The following UPF2 variants were observed in gnomAD, a reference collection of about 807,000 sequenced individuals.
UPF2 encodes the protein regulator of nonsense transcripts 2.
In UPF2, 17 loss-of-function variants were observed where a neutral mutation model predicts 141.4. That is an observed-to-expected ratio of 0.12 (90% CI 0.08 to 0.18). The LOEUF (loss-of-function observed/expected upper bound fraction) is 0.18. UPF2 is among the 10% of genes least tolerant of loss of function. The pLI, the probability that UPF2 is intolerant of heterozygous loss-of-function variation, is 1.00. For missense variants in UPF2, 1,152 were observed against 1,515.9 expected (o/e 0.76, Z 3.99); for synonymous variants, 540 against 498.0 (o/e 1.08, Z -1.12).
intron 21 of UPF2, among the ~76,000 whole-genome samples, chr10:11,926,126 A>C (rs1441506479): frequency 6.6e-6 from 1 of 152,184 alleles, no homozygotes; most frequent in Non-Finnish European, 1.5e-5. Context: ...AAAAGGCAAG[A>C]GTGAGGGCCA....
chr10:11,931,682 G>A lies in UPF2; in HGVS notation c.3647C>T (p.Thr1216Ile), dbSNP rs1437377307. The A allele has an allele frequency of 6.2e-7, 1 of 1,612,908 alleles. No homozygotes were observed. Among genetic ancestry groups the A allele is most frequent in the South Asian group, 1.1e-5 (1 of 90,690 alleles). ...QEERMRMKKL[T>I]LDINERQEQE... ...TTCTTGCCGTTCATTGATATCTAGT[G>A]TGAGCTTTTTCATTCTCATCCTCTC... The change falls in exon 20 of 22, where the codon ACA becomes ATA. Residue 1216 changes from threonine (T) to isoleucine (I), a missense_variant. Around this residue, in one of 4 missense-constraint regions of UPF2, gnomAD observed 66 missense variants for 123.5 expected, o/e 0.53. Coordinates refer to ENST00000357604, the MANE Select transcript of UPF2 (RefSeq NM_015542.4). This position sits in a 1 kb window ranked among gnomAD's most constrained non-coding sequence, Gnocchi z 5.9.
intron 9 of UPF2, among the ~76,000 whole-genome samples, chr10:11,973,434 G>A (rs1244426227): frequency 1.3e-5 from 2 of 152,142 alleles, no homozygotes; most frequent in African/African-American, 4.8e-5. Context: ...ATTGCTTTTG[G>A]TGTTTTAGAC....
chr10:11,941,131 T>A (rs2131168872), intron 18 of UPF2, among the ~76,000 whole-genome samples: 1 of 152,310 alleles, frequency 6.6e-6, no homozygotes, highest in South Asian at 2.1e-4. Context: ...AGGAACCACC[T>A]CAGTTGTATT....
chr10:11,989,342 G>A (rs1833743175), intron 8 of UPF2, among the ~76,000 whole-genome samples: 1 of 152,178 alleles, frequency 6.6e-6, no homozygotes, highest in Admixed American at 6.5e-5. Flanking sequence ...AAATGTGCCA[G>A]GCATAGTGGC....
At chr10:12,007,030 G>C (rs779373577) in intron 4 of UPF2, among the ~76,000 whole-genome samples, 1 of 152,172 alleles carries the variant, frequency 6.6e-6, no homozygotes, top group Non-Finnish European at 1.5e-5. Flanking sequence ...ACTCCAGACA[G>C]AGGAACAAGT....
intron 3 of UPF2, among the ~76,000 whole-genome samples, chr10:12,017,344 T>C (rs957188004): frequency 6.6e-6 from 1 of 152,216 alleles, no homozygotes; most frequent in African/African-American, 2.4e-5. Flanking sequence ...TCCATTGAGA[T>C]ACATAATAAT....
Position 12,004,528 on chromosome 10 carries a change from A to G in UPF2, c.1504+2T>C. On this transcript the variant is annotated splice_donor_variant, in intron 5 of 21. Transcript: ENST00000357604. LOFTEE classifies it high-confidence loss of function. ...TGTAAATATTTTTTCTCTAGAATTT[A>G]CCTTTGGTATCATCTTTGTTGGACT... The G allele has an allele frequency of 6.2e-7, 1 of 1,602,938 alleles. No homozygotes were observed. The highest frequency in any genetic ancestry group is 8.5e-7 in the Non-Finnish European group (1 of 1,176,032).
intron 8 of UPF2, among the ~76,000 whole-genome samples, chr10:11,990,084 G>A (rs1833754286): frequency 6.6e-6 from 1 of 152,194 alleles, no homozygotes; most frequent in South Asian, 2.1e-4. Context: ...AAAAAGTCTG[G>A]CTGAAGCCAC....
rs993943187 is a variant in UPF2 at position 11,939,107 on chromosome 10, T to TG, written c.3379-2396dup. On this transcript the variant is annotated intron_variant, in intron 18 of 21. Transcript: ENST00000357604. This position sits in a 1 kb window ranked among gnomAD's most constrained non-coding sequence, Gnocchi z 4.8. Reference sequence around the variant, plus strand: ...GGAGGGTCTCGATCTCCTGACCTCGTGATCCTCCCACCTCGGCCTCCCAAA... The same window carrying TG: ...GGAGGGTCTCGATCTCCTGACCTCGTGGATCCTCCCACCTCGGCCTCCCAAA... 1.2e-4 allele frequency among the ~76,000 whole-genome samples: 19 copies of TG among 152,144 alleles called. No individual in the cohort carries two copies. The highest frequency in any genetic ancestry group is 4.6e-4 in the African/African-American group (19 of 41,500).
chr10:12,037,140 A>G (rs1490969193), intron 1 of UPF2, among the ~76,000 whole-genome samples: 3 of 152,220 alleles, frequency 2.0e-5, no homozygotes, highest in African/African-American at 4.8e-5. Context: ...GCTGGAGTGC[A>G]GTGGCACAAT....
chr10:12,029,540 C>T lies in UPF2; in HGVS notation c.366-16G>A, dbSNP rs764053325. 1 of 1,558,498 alleles carries T rather than the reference C, an allele frequency of 6.4e-7. No homozygotes were observed. Among genetic ancestry groups the T allele is most frequent in the South Asian group, 1.2e-5 (1 of 82,120 alleles). On this transcript the variant is annotated splice_polypyrimidine_tract_variant and intron_variant, in intron 2 of 21. Coordinates refer to ENST00000357604, the MANE Select transcript of UPF2 (RefSeq NM_015542.4). ...TTCTTTTTCTCTATATAAAAACAAA[C>T]AAATAAATAAAATACTCTCTACATT...
At chr10:11,981,256 G>A (rs1216864621) in intron 8 of UPF2, among the ~76,000 whole-genome samples, 1 of 152,056 alleles carries the variant, frequency 6.6e-6, no homozygotes, top group Non-Finnish European at 1.5e-5. Flanking sequence ...CAAAAACATG[G>A]TACTCCTCAA....
intron 6 of UPF2, among the ~76,000 whole-genome samples, 172 bp from the exon 7 acceptor site, chr10:12,000,181 A>G (rs1833930108): frequency 6.6e-6 from 1 of 152,232 alleles, no homozygotes; most frequent in Non-Finnish European, 1.5e-5. Context: ...CTCTAGAATC[A>G]TAACATCAAT....
chr10:11,933,619 T>G (rs188087566), intron 19 of UPF2, among the ~76,000 whole-genome samples: 25 of 152,336 alleles, frequency 1.6e-4, no homozygotes, highest in South Asian at 1.0e-3. Context: ...AAAATACACA[T>G]AATCTTATTT....
At chr10:12,032,542 A>T (rs1013488456) in intron 2 of UPF2, among the ~76,000 whole-genome samples, 3 of 152,056 alleles carry the variant, frequency 2.0e-5, no homozygotes, top group African/African-American at 7.2e-5. Flanking sequence ...GTTCAAGACC[A>T]GCCTGGGCAA....
At chr10:12,010,046 G>C (rs1465412157) in intron 4 of UPF2, among the ~76,000 whole-genome samples, 4 of 152,276 alleles carry the variant, frequency 2.6e-5, no homozygotes, top group Non-Finnish European at 5.9e-5. Context: ...ATCAGAAAAA[G>C]TCCAGAAAGA....
intron 15 of UPF2, among the ~76,000 whole-genome samples, chr10:11,950,936 C>T (rs113710212): frequency 1.1e-4 from 17 of 152,260 alleles, no homozygotes; most frequent in African/African-American, 1.7e-4. Context: ...TATGCGATGT[C>T]GTAAATTTAT....
rs1359401676 is a variant in UPF2, at chr10:11,956,739, A to G, written c.2371-216T>C. 1.3e-5 allele frequency among the ~76,000 whole-genome samples: 2 copies of G among 152,158 alleles called. No individual in the cohort carries two copies. Among genetic ancestry groups the G allele is most frequent in the Admixed American group, 6.6e-5 (1 of 15,266 alleles). ...CCTAAATCCTTCCATAGTGCTCTCAAATTTTCTAGAGTTTTCAGGTCTTCA... is the reference window on the plus strand; with the variant it reads ...CCTAAATCCTTCCATAGTGCTCTCAGATTTTCTAGAGTTTTCAGGTCTTCA... On this transcript the variant is annotated intron_variant, in intron 12 of 21. Transcript: ENST00000357604. This position sits in a 1 kb window ranked among gnomAD's most constrained non-coding sequence, Gnocchi z 4.2.
chr10:12,038,386 A>T (rs975659147), intron 1 of UPF2, among the ~76,000 whole-genome samples: 106 of 149,332 alleles, frequency 7.1e-4, no homozygotes, highest in African/African-American at 2.2e-3. Flanking sequence ...TCTCACACAC[A>T]CACACACACA....
Sources: gnomAD v4.1 joint callset for allele counts (sites outside exome capture counted in the v4.1 genomes callset) on GRCh38, gnomAD v4.1.1 for gene constraint, gnomAD v4.1.1 regional missense constraint, Gnocchi (gnomAD v3.1) non-coding constraint, MANE v1.5 for transcripts, NCBI Gene and HGNC (gene_info 2026-07-23, HGNC 2026-07-21) for gene names.